The following MED13 variants were observed in gnomAD, a reference collection of about 807,000 sequenced individuals.
The protein encoded by MED13 is mediator complex subunit 13.
A neutral mutation model predicts 225.2 loss-of-function variants in MED13; 23 were observed. The ratio of observed to expected loss-of-function variants is 0.10; its 90% CI spans 0.07 to 0.14. MED13 has a LOEUF of 0.14. Among genes scored for constraint, MED13 ranks in the 10% least tolerant of loss-of-function variants. The pLI, the probability that MED13 is intolerant of heterozygous loss-of-function variation, is 1.00. For missense variants in MED13, 2,197 were observed against 2,594.5 expected, an observed-to-expected ratio of 0.85 and a Z score of 3.33; for synonymous variants, 942 against 889.2, an observed-to-expected ratio of 1.06 and a Z score of -1.06.
chr17:62,041,427 A>G (rs2080851485), intron 3 of MED13, among the ~76,000 whole-genome samples: 1 of 152,238 alleles, frequency 6.6e-6, no homozygotes. Context: ...TTATGAGTAC[A>G]CATTCAGTTT....
chr17:61,953,455 A>G (rs2079913915), intron 26 of MED13, among the ~76,000 whole-genome samples: 1 of 152,192 alleles, frequency 6.6e-6, no homozygotes, highest in African/African-American at 2.4e-5. Context: ...CAATGTAATC[A>G]CAGGGGTCCT....
At chr17:62,031,221 T>A (rs1452501663) in intron 6 of MED13, 3 of 407,504 alleles carry the variant, frequency 7.4e-6, no homozygotes, top group Non-Finnish European at 1.3e-5. Flanking sequence ...TAGGTTGTTC[T>A]CAAATGGTTC....
intron 9 of MED13, among the ~76,000 whole-genome samples, chr17:61,997,651 C>T (rs984690511): frequency 1.3e-5 from 2 of 152,094 alleles, no homozygotes; most frequent in African/African-American, 4.8e-5. Flanking sequence ...GCTGAGGTCA[C>T]ATAGTGGCAA....
At position 61,955,855 on chromosome 17, in the gene MED13, T is replaced by TAAA. The variant is rs61326861; in HGVS notation, c.5624-20_5624-18dup. ...AGCTCCAATCTGTGGGTATCAACAGTAAAAAAAAAAAAAAAAAAAAAAAAA... is the reference window on the plus strand; with the variant it reads ...AGCTCCAATCTGTGGGTATCAACAGTAAAAAAAAAAAAAAAAAAAAAAAAAAAA... On this transcript the variant is annotated splice_polypyrimidine_tract_variant and intron_variant, in intron 24 of 29. Coordinates refer to ENST00000397786, the MANE Select transcript of MED13 (RefSeq NM_005121.3). 1,131 of 814,792 alleles carry TAAA rather than the reference T, an allele frequency of 1.4e-3. 1 individual carries two copies. Among genetic ancestry groups the TAAA allele is most frequent in the African/African-American group, 4.6e-3 (107 of 23,164 alleles). 50.5% of individuals were successfully genotyped at this position (814,792 alleles called of 1,614,324 possible).
chr17:62,035,645 T>C (rs371647472), intron 3 of MED13, 37 bp from the exon 4 acceptor site: 1 of 1,567,636 alleles, frequency 6.4e-7, no homozygotes, highest in African/African-American at 1.4e-5. Flanking sequence ...TAGTGATGAC[T>C]AGTGGCCAAA....
Position 61,962,861 on chromosome 17 carries a change from G to A in MED13, c.4955C>T (p.Thr1652Ile), listed in dbSNP as rs768148809. The stretch of plus-strand genomic sequence containing the variant: ...ACTAGAAGAGTTAGTGCTCTCGTCT[G>A]TATTTTCGTATGTAAAAGGATCAAT... ...YIIDPFTYEN[T>I]DESTNSSSVW... Residue 1652 changes from threonine to isoleucine, a missense_variant, in exon 21 of 30, where the codon ACA (threonine) becomes ATA (isoleucine). Around this residue, in one of 12 missense-constraint regions of MED13, gnomAD observed 457 missense variants for 442.2 expected, o/e 1.03. Coordinates refer to ENST00000397786, the MANE Select transcript of MED13 (RefSeq NM_005121.3). 1 of 1,614,086 alleles carries A rather than the reference G, an allele frequency of 6.2e-7. No individual in the cohort carries two copies. Among genetic ancestry groups the A allele is most frequent in the African/African-American group, 1.3e-5 (1 of 75,028 alleles).
At chr17:62,055,221 C>A (rs2080987074) in intron 2 of MED13, among the ~76,000 whole-genome samples, 1 of 151,676 alleles carries the variant, frequency 6.6e-6, no homozygotes, top group South Asian at 2.1e-4. Context: ...ATGGCAAAAC[C>A]CCATTTCTAC....
rs2079937007 is a variant in MED13 at position 61,955,688 on chromosome 17, A to G, written c.5774T>C (p.Ile1925Thr). Reference sequence around the variant, plus strand: ...AACTAAAGATAGCTAACCTGGCATAATAACAAAAGAGCCTTGCGGCTCCAT... The same window carrying G: ...AACTAAAGATAGCTAACCTGGCATAGTAACAAAAGAGCCTTGCGGCTCCAT... ...VAMEPQGSFV[I>T]MPDSVSTGSV... Residue 1925 changes from isoleucine to threonine, a missense_variant, in exon 25 of 30, where the codon ATT becomes ACT. Physicochemically the swap from Ile to Thr is moderately conservative, Grantham distance 89. Around this residue, in one of 12 missense-constraint regions of MED13, gnomAD observed 216 missense variants for 388.9 expected, o/e 0.56. Transcript: ENST00000397786. The G allele has an allele frequency of 7.5e-6, 12 of 1,595,576 alleles. No individual in the cohort carries two copies. The highest frequency in any genetic ancestry group is 1.0e-5 in the Non-Finnish European group (12 of 1,175,464).
intron 2 of MED13, among the ~76,000 whole-genome samples, chr17:62,057,456 G>A (rs1403250481): frequency 6.6e-6 from 1 of 152,150 alleles, no homozygotes; most frequent in East Asian, 1.9e-4. Flanking sequence ...TGTCACCTAG[G>A]AGACTAGCCA....
chr17:62,009,419 C>T (rs1482555339), intron 9 of MED13, among the ~76,000 whole-genome samples: 3 of 152,128 alleles, frequency 2.0e-5, no homozygotes, highest in Non-Finnish European at 4.4e-5. Context: ...CTAAAAAATA[C>T]GATGACTAGG....
chr17:62,003,073 G>A (rs879883729), intron 9 of MED13, among the ~76,000 whole-genome samples: 3 of 152,036 alleles, frequency 2.0e-5, no homozygotes, highest in Non-Finnish European at 4.4e-5. Flanking sequence ...GGGGCTGGAG[G>A]GATATAAAAT....
intron 8 of MED13, among the ~76,000 whole-genome samples, chr17:62,019,534 A>C (rs1381994064): frequency 6.6e-6 from 1 of 152,220 alleles, no homozygotes; most frequent in Non-Finnish European, 1.5e-5. Context: ...TGAACTATTT[A>C]GTTATGTCCC....
At chr17:62,041,421 G>A (rs2080851407) in intron 3 of MED13, among the ~76,000 whole-genome samples, 1 of 152,000 alleles carries the variant, frequency 6.6e-6, no homozygotes, top group Admixed American at 6.6e-5. Context: ...AAAATTTTAT[G>A]AGTACACATT....
Position 61,943,905 on chromosome 17 carries a change from TA to T in MED13, c.*2562del, listed in dbSNP as rs1216397276. On this transcript the variant is annotated 3_prime_UTR_variant, in exon 30 of 30. Coordinates refer to ENST00000397786, the MANE Select transcript of MED13 (RefSeq NM_005121.3). ...TCAAGGTGTTGGTAATCCACTGCTA[TA>T]AAGTATAATATTTTGCTTACCTATT... 1 of 152,600 alleles carries T rather than the reference TA, an allele frequency of 6.6e-6. No individual in the cohort carries two copies. Among genetic ancestry groups the T allele is most frequent in the African/African-American group, 2.4e-5 (1 of 41,460 alleles). The allele number at this position is 152,600 out of a possible 1,614,324, so 9.5% of individuals were successfully genotyped here. A position where few individuals can be genotyped will look rare whatever the true frequency, so the allele number is the denominator to read the frequency against.
rs750454128 is a variant in MED13 at position 62,029,862 on chromosome 17, T to C, written c.1161A>G (p.Arg387=). The C allele has an allele frequency of 6.2e-7, 1 of 1,607,604 alleles. No individual in the cohort carries two copies. The highest frequency in any genetic ancestry group is 8.5e-7 in the Non-Finnish European group (1 of 1,178,188). ...ATGAAAATACACACTTGTTCTGTGCTCTGTTCATATTGCATTCTTGCCAAA... is the reference window on the plus strand; with the variant it reads ...ATGAAAATACACACTTGTTCTGTGCCCTGTTCATATTGCATTCTTGCCAAA... ...DRVWQECNMN[R]AQNKRKYSAS... The change falls in exon 7 of 30, where the codon AGA becomes AGG. Residue 387 remains arginine (R), a synonymous_variant. Coordinates refer to ENST00000397786, the MANE Select transcript of MED13 (RefSeq NM_005121.3).
chr17:62,011,616 T>C (rs1362438255), intron 8 of MED13, among the ~76,000 whole-genome samples: 1 of 152,208 alleles, frequency 6.6e-6, no homozygotes, highest in Non-Finnish European at 1.5e-5. Context: ...TATTTCCTGT[T>C]AGTAATTATT....
intron 3 of MED13, among the ~76,000 whole-genome samples, chr17:62,049,346 C>T (rs1209573144): frequency 6.6e-6 from 1 of 152,126 alleles, no homozygotes; most frequent in Non-Finnish European, 1.5e-5. Flanking sequence ...CCAACAGGTA[C>T]ACAGATCAGG....
Position 61,946,397 on chromosome 17 carries a change from TG to T in MED13, c.*70del. The T allele has an allele frequency of 6.5e-7, 1 of 1,531,660 alleles. No homozygotes were observed. Among genetic ancestry groups the T allele is most frequent in the Non-Finnish European group, 8.9e-7 (1 of 1,119,428 alleles). The allele number at this position is 1,531,660 out of a possible 1,614,324, so 94.9% of individuals were successfully genotyped here. A position where few individuals can be genotyped will look rare whatever the true frequency, so the allele number is the denominator to read the frequency against. Reference sequence around the variant, plus strand: ...AAATGACCTTCACTGAGAAGATAATTGTAACTTAATCCTGCAGCGAAACATC... The same window carrying T: ...AAATGACCTTCACTGAGAAGATAATTTAACTTAATCCTGCAGCGAAACATC... On this transcript the variant is annotated 3_prime_UTR_variant, in exon 30 of 30. Transcript: ENST00000397786.
intron 22 of MED13, among the ~76,000 whole-genome samples, chr17:61,961,380 C>A (rs561994078): frequency 1.3e-5 from 2 of 152,016 alleles, no homozygotes; most frequent in Admixed American, 1.3e-4. Flanking sequence ...ATTAGCTGGG[C>A]AAGGTGGCGC....
Sources: gnomAD v4.1 joint callset for allele counts (sites outside exome capture counted in the v4.1 genomes callset) on GRCh38, gnomAD v4.1.1 for gene constraint, gnomAD v4.1.1 regional missense constraint, MANE v1.5 for transcripts, NCBI Gene and HGNC (gene_info 2026-07-23, HGNC 2026-07-21) for gene names.